The following ACOX3 variants were observed in gnomAD, a reference collection of about 807,000 sequenced individuals.
ACOX3 encodes the protein peroxisomal acyl-coenzyme A oxidase 3.
In ACOX3, 73 loss-of-function variants were observed where a neutral mutation model predicts 81.5. The ratio of observed to expected loss-of-function variants is 0.90; its 90% CI spans 0.74 to 1.09. ACOX3 has a LOEUF of 1.09. Ranked by LOEUF, ACOX3 falls within the 50% of genes least tolerant of loss-of-function variation. The pLI, the probability that ACOX3 is intolerant of heterozygous loss-of-function variation, is 0.00. For missense variants in ACOX3, 947 were observed against 928.0 expected (o/e 1.02, Z -0.27); for synonymous variants, 387 against 375.1 (o/e 1.03, Z -0.37).
the ACOX3 span, chr4:8,356,242 G>C: frequency 3.0e-6 from 1 of 331,958 alleles, no homozygotes; most frequent in African/African-American, 2.1e-5. Flanking sequence ...CAGTGTAGCT[G>C]GTGTCCATCC....
chr4:8,385,863 C>T lies in ACOX3; in HGVS notation c.1537+3310G>A, dbSNP rs570484389. On this transcript the variant is annotated intron_variant, in intron 13 of 17. Coordinates refer to ENST00000356406, the MANE Select transcript of ACOX3 (RefSeq NM_003501.3). The surrounding 1 kb of genome is among the most constrained non-coding windows in gnomAD (Gnocchi z 5.5). ...GATCTGTGACCAAATGCCCTTGAGA[C>T]GATGGGGCTGGCAGAACCCACAAGC... Among the ~76,000 whole-genome samples the T allele has an allele frequency of 4.6e-5, 7 of 152,218 alleles. No individual in the cohort carries two copies. The highest frequency in any genetic ancestry group is 7.2e-5 in the African/African-American group (3 of 41,454).
Position 8,381,626 on chromosome 4 carries a change from A to G in ACOX3, c.1538-19T>C, listed in dbSNP as rs771555097. 6.4e-7 allele frequency: 1 copy of G among 1,567,720 alleles called. No individual in the cohort carries two copies. The highest frequency in any genetic ancestry group is 1.1e-5 in the South Asian group (1 of 89,792). On this transcript the variant is annotated intron_variant, in intron 13 of 17. Transcript: ENST00000356406. This position sits in a 1 kb window ranked among gnomAD's most constrained non-coding sequence, Gnocchi z 4.3. ...AGGGCGACTTCGGAATGACAAACAGAAGGAGAAAAAGTAACAATAGAGAAC... is the reference window on the plus strand; with the variant it reads ...AGGGCGACTTCGGAATGACAAACAGGAGGAGAAAAAGTAACAATAGAGAAC...
In ACOX3 at chr4:8,414,830, A is replaced by T; in HGVS notation, c.453+24T>A. The T allele has an allele frequency of 6.2e-7, 1 of 1,606,926 alleles. No homozygotes were observed. Among genetic ancestry groups the T allele is most frequent in the Non-Finnish European group, 8.5e-7 (1 of 1,173,398 alleles). ...GATCAAGCAAGAGAACCAGGCTCAC[A>T]ATTTACCATGAACCAGAACTTACCT... On this transcript the variant is annotated intron_variant, in intron 4 of 17. Coordinates refer to ENST00000356406, the MANE Select transcript of ACOX3 (RefSeq NM_003501.3). The surrounding 1 kb of genome is among the most constrained non-coding windows in gnomAD (Gnocchi z 6.1).
intron 16 of ACOX3, 41 bp from the exon 17 acceptor site, chr4:8,371,035 A>G (rs780423055): frequency 6.3e-7 from 1 of 1,593,394 alleles, no homozygotes; most frequent in Non-Finnish European, 8.6e-7. Context: ...ACCTCCCGGG[A>G]ATTTCCATGG....
At chr4:8,373,467 T>C (rs1348929147) in intron 16 of ACOX3, 94 bp downstream of exon 16, 3 of 1,322,704 alleles carry the variant, frequency 2.3e-6, no homozygotes, top group African/African-American at 2.9e-5. Context: ...ACTAAGGCGG[T>C]GCGTGTCGGT....
At chr4:8,438,042 G>C in intron 1 of ACOX3, among the ~76,000 whole-genome samples, 1 of 152,192 alleles carries the variant, frequency 6.6e-6, no homozygotes, top group East Asian at 1.9e-4. Context: ...ACTTAAACAG[G>C]AAAAAGAGCC....
downstream of ACOX3, among the ~76,000 whole-genome samples, chr4:8,364,041 A>G (rs560076382): frequency 6.6e-6 from 1 of 152,184 alleles, no homozygotes; most frequent in Admixed American, 6.5e-5. This position sits in a 1 kb window ranked among gnomAD's most constrained non-coding sequence, Gnocchi z 5.0. Flanking sequence ...ACTTTACTCT[A>G]TGGATTCACC....
intron 10 of ACOX3, among the ~76,000 whole-genome samples, chr4:8,393,660 C>T (rs9884410): frequency 0.085 from 12,831 of 150,664 alleles, 1,181 homozygotes; most frequent in African/African-American, 0.23. Flanking sequence ...CACACACACA[C>T]GCATGCTAAG....
rs561039316 is a variant in ACOX3 at position 8,418,408 on chromosome 4, A to G, written c.-14-1873T>C. Among the ~76,000 whole-genome samples, 127 of 150,604 alleles carry G rather than the reference A, an allele frequency of 8.4e-4. 1 individual carries two copies. Among genetic ancestry groups the G allele is most frequent in the African/African-American group, 3.0e-3 (123 of 40,784 alleles). ...TGGGAGACAGAAGTTGCAGTGAACC[A>G]AGATTGCACCACTGCATTCCAGCCT... is the stretch of plus-strand genomic sequence containing the variant. On this transcript the variant is annotated intron_variant, in intron 1 of 17. Coordinates refer to ENST00000356406, the MANE Select transcript of ACOX3 (RefSeq NM_003501.3).
intron 1 of ACOX3, among the ~76,000 whole-genome samples, chr4:8,420,225 C>T (rs1489084504): frequency 1.3e-5 from 2 of 152,240 alleles, no homozygotes; most frequent in African/African-American, 4.8e-5. Flanking sequence ...AAGTCACCAA[C>T]CTTACTGCAT....
At chr4:8,359,968 G>A in the ACOX3 span, among the ~76,000 whole-genome samples, 2 of 152,230 alleles carry the variant, frequency 1.3e-5, no homozygotes, top group African/African-American at 2.4e-5. This position sits in a 1 kb window ranked among gnomAD's most constrained non-coding sequence, Gnocchi z 6.0. Context: ...AGTACCTTAG[G>A]ATAGAGCACG....
rs1305617316 is a variant in ACOX3 at position 8,432,784 on chromosome 4, C to A, written c.-15+7864G>T. 6.6e-6 allele frequency among the ~76,000 whole-genome samples: 1 copy of A among 152,226 alleles called. No individual in the cohort carries two copies. The highest frequency in any genetic ancestry group is 1.9e-4 in the East Asian group (1 of 5,202). On this transcript the variant is annotated intron_variant, in intron 1 of 17. Transcript: ENST00000356406. This position sits in a 1 kb window ranked among gnomAD's most constrained non-coding sequence, Gnocchi z 6.2. ...CCACCCAGCTTCCAGCACTTAGACG[C>A]TGACAACTCAGAATGGAGGGGCTTT...
chr4:8,437,472 G>A lies in ACOX3; in HGVS notation c.-15+3176C>T, dbSNP rs1169239681. Among the ~76,000 whole-genome samples, 3 of 152,174 alleles carry A rather than the reference G, an allele frequency of 2.0e-5. No homozygotes were observed. The highest frequency in any genetic ancestry group is 4.4e-5 in the Non-Finnish European group (3 of 68,040). On this transcript the variant is annotated intron_variant, in intron 1 of 17. Transcript: ENST00000356406. This position sits in a 1 kb window ranked among gnomAD's most constrained non-coding sequence, Gnocchi z 5.2. The stretch of plus-strand genomic sequence containing the variant: ...ATGGGAGAGACAGCAGTGCGCGGGG[G>A]CAGGGCCTGTGCCACTGCCTGGCCC...
Position 8,414,877 on chromosome 4 carries a change from T to C in ACOX3, c.430A>G (p.Ile144Val), listed in dbSNP as rs1328346555. The change falls in exon 4 of 18, where the codon ATT (isoleucine) becomes GTT (valine). Residue 144 changes from isoleucine (I) to valine (V), a missense_variant. By Grantham distance (29) the Ile-to-Val change is conservative. Transcript: ENST00000356406. This position sits in a 1 kb window ranked among gnomAD's most constrained non-coding sequence, Gnocchi z 6.1. ...SSGSERHLTY[I>V]QKIFRMEIFG... ...ACCTCCATCCTGAAGATCTTTTGAATATATGTGAGATGTCTTTCAGAACCA... is the reference window on the plus strand; with the variant it reads ...ACCTCCATCCTGAAGATCTTTTGAACATATGTGAGATGTCTTTCAGAACCA... The C allele has an allele frequency of 1.2e-6, 2 of 1,614,212 alleles. No individual in the cohort carries two copies. The highest frequency in any genetic ancestry group is 1.7e-6 in the Non-Finnish European group (2 of 1,180,028).
chr4:8,414,830 A>G lies in ACOX3; in HGVS notation c.453+24T>C. 1 of 1,606,926 alleles carries G rather than the reference A, an allele frequency of 6.2e-7. No individual in the cohort carries two copies. On this transcript the variant is annotated intron_variant, in intron 4 of 17. Coordinates refer to ENST00000356406, the MANE Select transcript of ACOX3 (RefSeq NM_003501.3). This position sits in a 1 kb window ranked among gnomAD's most constrained non-coding sequence, Gnocchi z 6.1. ...GATCAAGCAAGAGAACCAGGCTCAC[A>G]ATTTACCATGAACCAGAACTTACCT...
At position 8,381,487 on chromosome 4, in the gene ACOX3, C is replaced by G; in HGVS notation, c.1653+5G>C. 6.2e-7 allele frequency: 1 copy of G among 1,609,510 alleles called. No individual in the cohort carries two copies. The highest frequency in any genetic ancestry group is 8.5e-7 in the Non-Finnish European group (1 of 1,176,356). On this transcript the variant is annotated splice_donor_5th_base_variant and intron_variant, in intron 14 of 17. Coordinates refer to ENST00000356406, the MANE Select transcript of ACOX3 (RefSeq NM_003501.3). The surrounding 1 kb of genome is among the most constrained non-coding windows in gnomAD (Gnocchi z 4.3). ...CAAAAGGGAATTTTGAAAACAAATACTTACCTGGCATTTGTTCCTTGCTTC... is the reference window on the plus strand; with the variant it reads ...CAAAAGGGAATTTTGAAAACAAATAGTTACCTGGCATTTGTTCCTTGCTTC...
chr4:8,404,690 T>TC (rs1720740887), intron 7 of ACOX3, among the ~76,000 whole-genome samples: 1 of 152,144 alleles, frequency 6.6e-6, no homozygotes. Context: ...GCCCATCTTC[T>TC]CCCTCTGGAG....
chr4:8,428,762 C>A (rs987932775), intron 1 of ACOX3, among the ~76,000 whole-genome samples: 3 of 152,240 alleles, frequency 2.0e-5, no homozygotes, highest in Admixed American at 6.5e-5. Flanking sequence ...GACCCCCAGT[C>A]TGGGGCCGGG....
chr4:8,361,145 C>T, the ACOX3 span, among the ~76,000 whole-genome samples: 30 of 151,908 alleles, frequency 2.0e-4, 1 homozygote, highest in South Asian at 8.3e-4. Context: ...TGTTTTAGGC[C>T]GGGCGCGGTG....
Sources: gnomAD v4.1 joint callset for allele counts (sites outside exome capture counted in the v4.1 genomes callset) on GRCh38, gnomAD v4.1.1 for gene constraint, Gnocchi (gnomAD v3.1) non-coding constraint, MANE v1.5 for transcripts, NCBI Gene and HGNC (gene_info 2026-07-23, HGNC 2026-07-21) for gene names.